Variants in ADAM12 observed in about 807,000 individuals in gnomAD.
ADAM12 encodes ADAM metallopeptidase domain 12, also known as disintegrin and metalloproteinase domain-containing protein 12.
A neutral mutation model predicts 106.4 loss-of-function variants in ADAM12; 70 were observed. The ratio of observed to expected loss-of-function variants is 0.66; its 90% CI spans 0.54 to 0.80. The LOEUF (loss-of-function observed/expected upper bound fraction) is 0.80. Ranked by LOEUF, ADAM12 falls within the 30% of genes least tolerant of loss-of-function variation. The pLI is 0.00. For synonymous variants in ADAM12, 420 were observed against 433.5 expected (o/e 0.97, Z 0.39); for missense variants, 1,010 against 1,171.9 (o/e 0.86, Z 2.02).
rs189649824 is a variant in ADAM12, at chr10:126,101,261, C to G, written c.742-20G>C. ...GTAAAACTGGGCAAAACAGGCAAAA[C>G]TGGCATTGGAGTTGGGATCACGTTA... On this transcript the variant is annotated intron_variant, in intron 8 of 22. Transcript: ENST00000448723. 1.3e-5 allele frequency: 21 copies of G among 1,607,610 alleles called. No homozygotes were observed. In the East Asian group the frequency reaches 4.5e-4, roughly 34 times the overall value.
At chr10:126,357,429 C>T (rs1590820771) in intron 1 of ADAM12, among the ~76,000 whole-genome samples, 1 of 152,060 alleles carries the variant, frequency 6.6e-6, no homozygotes, top group Non-Finnish European at 1.5e-5. Context: ...AAAAGCTAAG[C>T]AGAGATTGAA....
intron 3 of ADAM12, among the ~76,000 whole-genome samples, chr10:126,162,120 C>T (rs1956946460): frequency 1.3e-5 from 2 of 152,172 alleles, no homozygotes; most frequent in South Asian, 4.1e-4. Flanking sequence ...GGAGGCCCCA[C>T]TGCTGAAGGA....
chr10:126,236,565 C>A (rs541301866), intron 3 of ADAM12, among the ~76,000 whole-genome samples: 1 of 151,964 alleles, frequency 6.6e-6, no homozygotes. Flanking sequence ...CACGGCTCTG[C>A]GGGGGGAGCT....
chr10:126,361,038 C>T (rs1170859426), intron 1 of ADAM12, among the ~76,000 whole-genome samples: 3 of 152,136 alleles, frequency 2.0e-5, no homozygotes, highest in East Asian at 1.9e-4. Context: ...CATCAGATCT[C>T]GTGAGGCTTA....
rs1953593725 is a variant in ADAM12, at chr10:126,012,861, A to G, written c.*4418T>C. ...GGCCATGAAAATAAAACGCCATTCAACTTTTTTTTTGTAAAGCTAAAATAA... is the reference window on the plus strand; with the variant it reads ...GGCCATGAAAATAAAACGCCATTCAGCTTTTTTTTTGTAAAGCTAAAATAA... On this transcript the variant is annotated 3_prime_UTR_variant, in exon 23 of 23. Transcript: ENST00000448723. 6.6e-6 allele frequency: 1 copy of G among 152,178 alleles called. No homozygotes were observed. The highest frequency in any genetic ancestry group is 2.1e-4 in the South Asian group (1 of 4,832). The allele number at this position is 152,178 out of a possible 1,614,324, so 9.4% of individuals were successfully genotyped here. A position where few individuals can be genotyped will look rare whatever the true frequency, so the allele number is the denominator to read the frequency against.
chr10:126,043,845 T>G lies in ADAM12; in HGVS notation c.1996-697A>C, dbSNP rs1042859941. ...CCAGGGTGCGAATCCAACAGTGGAT[T>G]CTTTTCATTGTGAAATAAGAGAATG... On this transcript the variant is annotated intron_variant, in intron 17 of 22. Coordinates refer to ENST00000448723, the MANE Select transcript of ADAM12 (RefSeq NM_001288973.2). The surrounding 1 kb of genome is among the most constrained non-coding windows in gnomAD (Gnocchi z 4.1). Among the ~76,000 whole-genome samples the G allele has an allele frequency of 3.3e-5, 5 of 152,230 alleles. No homozygotes were observed. The highest frequency in any genetic ancestry group is 2.6e-4 in the Admixed American group (4 of 15,290).
At position 126,388,023 on chromosome 10, in the gene ADAM12, G is replaced by T. The variant is rs1198199856; in HGVS notation, c.88+35C>A. 3.3e-6 allele frequency: 4 copies of T among 1,199,250 alleles called. No homozygotes were observed. The East Asian group carries it at 1.1e-4, about 32-fold the overall frequency. 74.3% of individuals were successfully genotyped at this position (1,199,250 alleles called of 1,614,324 possible). A position where few individuals can be genotyped will look rare whatever the true frequency, so the allele number is the denominator to read the frequency against. On this transcript the variant is annotated intron_variant, in intron 1 of 22. Coordinates refer to ENST00000448723, the MANE Select transcript of ADAM12 (RefSeq NM_001288973.2). The surrounding 1 kb of genome is among the most constrained non-coding windows in gnomAD (Gnocchi z 4.4). Reference sequence around the variant, plus strand: ...GCGCAGCGTGCGGTGCCCTCGGCGGGGCGGGCAGCGAGCCGCCCTAGTTCG... The same window carrying T: ...GCGCAGCGTGCGGTGCCCTCGGCGGTGCGGGCAGCGAGCCGCCCTAGTTCG...
intron 4 of ADAM12, among the ~76,000 whole-genome samples, chr10:126,150,250 T>C (rs916837169): frequency 6.6e-6 from 1 of 152,176 alleles, no homozygotes; most frequent in African/African-American, 2.4e-5. Context: ...AAACATATTT[T>C]AAATGAGATC....
rs201248510 is a variant in ADAM12, at chr10:126,174,757, CT to C, written c.261-19453del. On this transcript the variant is annotated intron_variant, in intron 3 of 22. Transcript: ENST00000448723. Reference sequence around the variant, plus strand: ...TTGAGGACCACAGTCCTCACCCCCCCTTTTTTTTTTTTTGAGACTGAGTCTC... The same window carrying C: ...TTGAGGACCACAGTCCTCACCCCCCCTTTTTTTTTTTTGAGACTGAGTCTC... Among the ~76,000 whole-genome samples the C allele has an allele frequency of 4.7e-3, 682 of 145,488 alleles. 3 individuals are homozygous for C. The highest frequency in any genetic ancestry group is 0.018 in the Middle Eastern group (5 of 276).
At chr10:126,386,386 G>A (rs1430503173) in intron 1 of ADAM12, among the ~76,000 whole-genome samples, 1 of 152,166 alleles carries the variant, frequency 6.6e-6, no homozygotes, top group East Asian at 1.9e-4. Flanking sequence ...TTCATTATAT[G>A]TTTGGCGTTT....
chr10:126,092,665 C>T (rs1316294802), intron 11 of ADAM12, among the ~76,000 whole-genome samples: 4 of 152,186 alleles, frequency 2.6e-5, no homozygotes, highest in African/African-American at 9.7e-5. Context: ...GCAACTTCCT[C>T]AACAAAGTCT....
chr10:126,307,093 A>G (rs1441022161), intron 2 of ADAM12, among the ~76,000 whole-genome samples: 1 of 152,134 alleles, frequency 6.6e-6, no homozygotes, highest in African/African-American at 2.4e-5. Context: ...TCTGTCTTCA[A>G]GTTCACTATT....
chr10:126,310,088 G>A (rs1961016029), intron 2 of ADAM12, among the ~76,000 whole-genome samples: 1 of 151,806 alleles, frequency 6.6e-6, no homozygotes, highest in Admixed American at 6.6e-5. Context: ...GAACCCAGGA[G>A]GCGGAGGATG....
At chr10:126,084,188 C>T (rs1955290063) in intron 11 of ADAM12, among the ~76,000 whole-genome samples, 1 of 152,208 alleles carries the variant, frequency 6.6e-6, no homozygotes, top group Admixed American at 6.5e-5. Flanking sequence ...AATAAAGTCA[C>T]CAACTGAGCT....
rs541525027 is a variant in ADAM12 at position 126,256,353 on chromosome 10, T to C, written c.260+22562A>G. Among the ~76,000 whole-genome samples, 14 of 152,322 alleles carry C rather than the reference T, an allele frequency of 9.2e-5. No homozygotes were observed. In the South Asian group the frequency reaches 2.9e-3, roughly 32 times the overall value. ...GGTTTATGACCTGGACCCTTTGTTT[T>C]AGTTTCTAACTCTACCAACAACTAC... On this transcript the variant is annotated intron_variant, in intron 3 of 22. Coordinates refer to ENST00000448723, the MANE Select transcript of ADAM12 (RefSeq NM_001288973.2).
At chr10:126,192,477 C>T (rs1167916149) in intron 3 of ADAM12, among the ~76,000 whole-genome samples, 1 of 152,148 alleles carries the variant, frequency 6.6e-6, no homozygotes, top group Non-Finnish European at 1.5e-5. Flanking sequence ...CAGATTTGTT[C>T]ATAAAATATA....
At chr10:126,252,466 T>C (rs535706233) in intron 3 of ADAM12, among the ~76,000 whole-genome samples, 21 of 152,290 alleles carry the variant, frequency 1.4e-4, no homozygotes, top group Admixed American at 1.3e-3. Flanking sequence ...GAGCTGATGA[T>C]GTAACTCTGT....
chr10:126,160,684 T>C (rs768553313), intron 3 of ADAM12, among the ~76,000 whole-genome samples: 1 of 152,184 alleles, frequency 6.6e-6, no homozygotes, highest in Non-Finnish European at 1.5e-5. Flanking sequence ...ATCATGCTGC[T>C]GTCCCTGCTA....
intron 3 of ADAM12, among the ~76,000 whole-genome samples, chr10:126,214,020 C>T (rs745810234): frequency 6.6e-5 from 10 of 152,160 alleles, no homozygotes; most frequent in East Asian, 1.9e-4. Flanking sequence ...TATAACGTGA[C>T]CCAATAAATC....
Sources: allele counts gnomAD v4.1 joint callset (sites outside exome capture counted in the v4.1 genomes callset), GRCh38; gene constraint gnomAD v4.1.1; non-coding constraint Gnocchi (gnomAD v3.1); transcripts MANE v1.5; gene names NCBI Gene and HGNC (gene_info 2026-07-23, HGNC 2026-07-21).